SPINT1: variants seen among roughly 807,000 people sequenced by gnomAD.
SPINT1 encodes serine peptidase inhibitor, Kunitz type 1, also known as kunitz-type protease inhibitor 1.
Under a neutral mutation model 53.7 loss-of-function variants are expected in SPINT1, and 38 were observed. That is an observed-to-expected ratio of 0.71 (90% CI 0.55 to 0.93). SPINT1 has a LOEUF of 0.93. SPINT1 is among the 40% of genes least tolerant of loss of function. SPINT1 has a pLI of 0.00. For missense variants in SPINT1, 645 were observed against 692.9 expected (o/e 0.93, Z 0.78); for synonymous variants, 283 against 280.6 (o/e 1.01, Z -0.08).
At chr15:40,849,638 A>T (rs1436240642) in intron 2 of SPINT1, among the ~76,000 whole-genome samples, 1 of 152,214 alleles carries the variant, frequency 6.6e-6, no homozygotes, top group Non-Finnish European at 1.5e-5. Flanking sequence ...ACAACCTCTG[A>T]GGGGGTGGAT....
chr15:40,853,351 G>T (rs1484540154), intron 3 of SPINT1, 100 bp downstream of exon 3: 1 of 1,601,316 alleles, frequency 6.2e-7, no homozygotes, highest in Admixed American at 1.7e-5. Flanking sequence ...GGATGGGATG[G>T]GGTGGAGAGA....
intron 2 of SPINT1, among the ~76,000 whole-genome samples, chr15:40,850,545 C>T (rs549710809): frequency 4.1e-4 from 62 of 152,324 alleles, no homozygotes; most frequent in African/African-American, 1.4e-3. Flanking sequence ...TCTGCTGGTT[C>T]GGGTGGCCTG....
In SPINT1 at chr15:40,844,432, C is replaced by A; in HGVS notation, c.-65-58C>A. 9.4e-7 allele frequency: 1 copy of A among 1,065,826 alleles called. No homozygotes were observed. The highest frequency in any genetic ancestry group is 1.4e-6 in the Non-Finnish European group (1 of 703,102). 66.0% of individuals were successfully genotyped at this position (1,065,826 alleles called of 1,614,324 possible). On this transcript the variant is annotated intron_variant, in intron 1 of 10. Transcript: ENST00000562057. The surrounding 1 kb of genome is among the most constrained non-coding windows in gnomAD (Gnocchi z 5.8). ...TTCCTCCCGGCCGGCCCGCCTCCTCCAAAGTCTCCCGGGCTGATCAGGTGT... is the reference window on the plus strand; with the variant it reads ...TTCCTCCCGGCCGGCCCGCCTCCTCAAAAGTCTCCCGGGCTGATCAGGTGT...
At position 40,845,047 on chromosome 15, in the gene SPINT1, A is replaced by T; in HGVS notation, c.475+18A>T. ...CTTTGGAGGTGAGGAGGGTGCCAAG[A>T]TGGATGGGTTTGGAGAGACTCAAAA... is the stretch of plus-strand genomic sequence containing the variant. On this transcript the variant is annotated intron_variant, in intron 2 of 10. Transcript: ENST00000562057. 1 of 1,585,850 alleles carries T rather than the reference A, an allele frequency of 6.3e-7. No homozygotes were observed. The highest frequency in any genetic ancestry group is 8.6e-7 in the Non-Finnish European group (1 of 1,165,846).
Position 40,856,336 on chromosome 15 carries a change from C to G in SPINT1, c.1336+13C>G. 1 of 1,614,190 alleles carries G rather than the reference C, an allele frequency of 6.2e-7. No individual in the cohort carries two copies. The highest frequency in any genetic ancestry group is 1.1e-5 in the South Asian group (1 of 91,090). On this transcript the variant is annotated intron_variant, in intron 10 of 10. Coordinates refer to ENST00000562057, the MANE Select transcript of SPINT1 (RefSeq NM_003710.4). ...ATTCCCAGCACAGGTAAGCCCTGAT[C>G]TGTCCTGTAACTGAGGTTAGCATGT...
chr15:40,851,158 CTT>C (rs1272275153), intron 2 of SPINT1, among the ~76,000 whole-genome samples: 23 of 144,010 alleles, frequency 1.6e-4, no homozygotes, highest in Admixed American at 2.8e-4. Flanking sequence ...TTTCTTTTTT[CTT>C]TTTTTTTTTT....
chr15:40,850,846 C>G (rs1471756029), intron 2 of SPINT1, among the ~76,000 whole-genome samples: 1 of 152,204 alleles, frequency 6.6e-6, no homozygotes, highest in Non-Finnish European at 1.5e-5. Context: ...AGCTGCTGCT[C>G]AGAGCTCAGG....
chr15:40,855,482 G>T (rs1416957090), intron 8 of SPINT1, among the ~76,000 whole-genome samples: 6 of 152,170 alleles, frequency 3.9e-5, no homozygotes, highest in Admixed American at 1.3e-4. Flanking sequence ...CCAGCCAGGC[G>T]TGGTGGCTTA....
chr15:40,855,198 T>TA, intron 8 of SPINT1, among the ~76,000 whole-genome samples: 1 of 151,442 alleles, frequency 6.6e-6, no homozygotes, highest in Non-Finnish European at 1.5e-5. Flanking sequence ...GTGGGCAATA[T>TA]GGCAAAACCC....
In SPINT1 at chr15:40,856,927, C is replaced by G. The variant is rs746559628; in HGVS notation, c.1494C>G (p.Thr498=). The G allele has an allele frequency of 6.2e-7, 1 of 1,614,016 alleles. No individual in the cohort carries two copies. Among genetic ancestry groups the G allele is most frequent in the Non-Finnish European group, 8.5e-7 (1 of 1,179,894 alleles). Reference sequence around the variant, plus strand: ...CTGCCAGCTCCACTGTCTCCACTACCGAGGACACGGAGCACCTGGTCTATA... The same window carrying G: ...CTGCCAGCTCCACTGTCTCCACTACGGAGGACACGGAGCACCTGGTCTATA... The part of the protein sequence containing the change: ...PTPASSTVST[T]EDTEHLVYNH... The change falls in exon 11 of 11, where the codon ACC becomes ACG. Residue 498 remains threonine (T), a synonymous_variant. Coordinates refer to ENST00000562057, the MANE Select transcript of SPINT1 (RefSeq NM_003710.4).
rs1012211965 is a variant in SPINT1 at position 40,853,142 on chromosome 15, C to G, written c.494C>G (p.Ala165Gly). The part of the protein sequence containing the change: ...QGFGGSGIPK[A>G]WAGIDLKVQP... ...CCGCCAGGGTCTGGGATCCCCAAGG[C>G]CTGGGCAGGCATAGACTTGAAGGTA... Residue 165 changes from alanine (A) to glycine (G), a missense_variant, in exon 3 of 11, where the codon GCC (alanine) becomes GGC (glycine). Transcript: ENST00000562057. 3 of 1,613,976 alleles carry G rather than the reference C, an allele frequency of 1.9e-6. No homozygotes were observed. In the African/African-American group the frequency reaches 4.0e-5, roughly 22 times the overall value.
At chr15:40,854,779 T>C (rs563713298) in intron 8 of SPINT1, 90 bp downstream of exon 8, 1 of 1,540,354 alleles carries the variant, frequency 6.5e-7, no homozygotes, top group East Asian at 2.2e-5. Flanking sequence ...AGGGGCCTGC[T>C]GGGTGTACGG....
chr15:40,846,269 TC>T (rs1891293177), intron 2 of SPINT1, among the ~76,000 whole-genome samples: 1 of 152,114 alleles, frequency 6.6e-6, no homozygotes. Flanking sequence ...GAGCCTTGGT[TC>T]CCCCTTTCTC....
intron 10 of SPINT1, 94 bp from the exon 11 acceptor site, chr15:40,856,676 C>T: frequency 6.4e-7 from 1 of 1,571,616 alleles, no homozygotes; most frequent in Non-Finnish European, 8.6e-7. Context: ...CCATACCTGG[C>T]ATCCATTTGA....
intron 2 of SPINT1, among the ~76,000 whole-genome samples, chr15:40,851,783 G>C (rs544276854): frequency 6.6e-6 from 1 of 152,210 alleles, no homozygotes; most frequent in African/African-American, 2.4e-5. Flanking sequence ...CACTTTGGGA[G>C]GTTGAAGCAG....
chr15:40,846,635 C>T (rs895217355), intron 2 of SPINT1, among the ~76,000 whole-genome samples: 15 of 152,068 alleles, frequency 9.9e-5, no homozygotes, highest in Non-Finnish European at 1.2e-4. Flanking sequence ...ATAACAGAAC[C>T]GGGGATTGGG....
At position 40,853,740 on chromosome 15, in the gene SPINT1, C is replaced by T. The variant is rs778623056; in HGVS notation, c.772C>T (p.Arg258Cys). Residue 258 changes from arginine to cysteine, a missense_variant, in exon 5 of 11, where the codon CGC becomes TGC. Coordinates refer to ENST00000562057, the MANE Select transcript of SPINT1 (RefSeq NM_003710.4). The part of the protein sequence containing the change: ...DYCLASNKVG[R>C]CRGSFPRWYY... ...CTGCCTCGCATCCAACAAGGTGGGT[C>T]GCTGCCGGGGCTCTTTCCCACGCTG... 8 of 1,613,980 alleles carry T rather than the reference C, an allele frequency of 5.0e-6. No individual in the cohort carries two copies. The highest frequency in any genetic ancestry group is 1.7e-5 in the Admixed American group (1 of 60,016).
chr15:40,858,192 T>A lies in SPINT1; in HGVS notation c.*1217T>A, dbSNP rs1047749100. 3.5e-5 allele frequency: 5 copies of A among 141,506 alleles called. No homozygotes were observed. In the South Asian group the frequency reaches 6.5e-4, roughly 18 times the overall value. The allele number at this position is 141,506 out of a possible 1,614,324, so 8.8% of individuals were successfully genotyped here. A position where few individuals can be genotyped will look rare whatever the true frequency, so the allele number is the denominator to read the frequency against. ...TCCCGGTGCCAAAAAAAAAAAAAAA[T>A]CATACTTTGAGCTCATTCGTTCGTT... On this transcript the variant is annotated 3_prime_UTR_variant, in exon 11 of 11. Transcript: ENST00000562057.
intron 2 of SPINT1, among the ~76,000 whole-genome samples, chr15:40,850,728 GC>G (rs144827721): frequency 0.054 from 8,156 of 152,214 alleles, 346 homozygotes; most frequent in African/African-American, 0.12. Context: ...CATTCCCTTG[GC>G]TGCTCTGGCA....
Sources: gnomAD v4.1 joint callset for allele counts (sites outside exome capture counted in the v4.1 genomes callset) on GRCh38, gnomAD v4.1.1 for gene constraint, Gnocchi (gnomAD v3.1) non-coding constraint, MANE v1.5 for transcripts, NCBI Gene and HGNC (gene_info 2026-07-23, HGNC 2026-07-21) for gene names.